Variants in PALM2AKAP2 observed in about 807,000 individuals in gnomAD.
PALM2AKAP2 encodes the protein PALM2-AKAP2 fusion protein.
In PALM2AKAP2, 37 loss-of-function variants were observed where a neutral mutation model predicts 71.5. The ratio of observed to expected loss-of-function variants is 0.52; its 90% CI spans 0.40 to 0.68. The LOEUF (loss-of-function observed/expected upper bound fraction) is 0.68. PALM2AKAP2 is among the 30% of genes least tolerant of loss of function. The probability of loss-of-function intolerance (pLI) is 0.00; values close to 1 mark genes in which losing one functional copy is unlikely to be tolerated. For missense variants in PALM2AKAP2, 1,224 were observed against 1,191.8 expected, an observed-to-expected ratio of 1.03 and a Z score of -0.40; for synonymous variants, 468 against 478.8, an observed-to-expected ratio of 0.98 and a Z score of 0.29.
intron 3 of PALM2AKAP2, among the ~76,000 whole-genome samples, chr9:109,919,747 G>A (rs1305336106): frequency 6.7e-6 from 1 of 149,044 alleles, no homozygotes; most frequent in African/African-American, 2.5e-5. Context: ...GTGTGTGTGT[G>A]TGTGTGTGTG....
chr9:109,664,751 G>C (rs1353747288), intron 1 of PALM2AKAP2, among the ~76,000 whole-genome samples: 1 of 152,124 alleles, frequency 6.6e-6, no homozygotes, highest in African/African-American at 2.4e-5. Flanking sequence ...GCTATGTTGG[G>C]GAAGTTCTCC....
intron 1 of PALM2AKAP2, among the ~76,000 whole-genome samples, chr9:110,088,821 G>A (rs1199682839): frequency 7.3e-6 from 1 of 137,048 alleles, no homozygotes; most frequent in Non-Finnish European, 1.5e-5. Flanking sequence ...CCGGGTTCAA[G>A]AAATTCTCCT....
At chr9:109,856,873 T>C (rs888733573) in intron 1 of PALM2AKAP2, among the ~76,000 whole-genome samples, 5 of 152,244 alleles carry the variant, frequency 3.3e-5, no homozygotes, top group African/African-American at 1.2e-4. Context: ...TGCGTTCCTT[T>C]GTTGTCATCA....
intron 1 of PALM2AKAP2, among the ~76,000 whole-genome samples, chr9:109,793,981 G>A (rs143855339): frequency 4.1e-4 from 62 of 152,234 alleles, no homozygotes; most frequent in African/African-American, 1.4e-3. Context: ...CTGACCATTT[G>A]GAGAAAAACT....
chr9:110,090,463 G>T (rs571459082), intron 1 of PALM2AKAP2: 3 of 456,480 alleles, frequency 6.6e-6, no homozygotes, highest in Non-Finnish European at 8.8e-6. Context: ...GCTGCAGAGG[G>T]AACTTACACC....
chr9:109,739,226 A>G (rs953847306), intron 1 of PALM2AKAP2, among the ~76,000 whole-genome samples: 1 of 152,222 alleles, frequency 6.6e-6, no homozygotes, highest in Non-Finnish European at 1.5e-5. Flanking sequence ...TAGTTCATTG[A>G]CTTAGACAAC....
rs866226551 is a variant in PALM2AKAP2 at position 110,062,341 on chromosome 9, G to C, written c.156+13486G>C. ...TCTCACTTGTAAGTGAGAACATGTG[G>C]TGTTTGGTTTTCTGTTGCTGCATTA... On this transcript the variant is annotated intron_variant, in intron 1 of 3. Coordinates refer to ENST00000374525, the Ensembl canonical transcript of PALM2AKAP2. Among the ~76,000 whole-genome samples, 16 of 152,208 alleles carry C rather than the reference G, an allele frequency of 1.1e-4. 1 individual carries two copies. The highest frequency in any genetic ancestry group is 3.9e-4 in the African/African-American group (16 of 41,526).
At chr9:109,843,683 G>A (rs1407435307) in intron 1 of PALM2AKAP2, among the ~76,000 whole-genome samples, 1 of 152,138 alleles carries the variant, frequency 6.6e-6, no homozygotes, top group Non-Finnish European at 1.5e-5. Flanking sequence ...AAATAAAGTC[G>A]ATAGTGTGTG....
chr9:109,877,929 C>T lies in PALM2AKAP2; in HGVS notation c.127-2622C>T, dbSNP rs539762664. Among the ~76,000 whole-genome samples, 5 of 152,264 alleles carry T rather than the reference C, an allele frequency of 3.3e-5. No homozygotes were observed. In the South Asian group the frequency reaches 6.2e-4, roughly 19 times the overall value. On this transcript the variant is annotated intron_variant, in intron 2 of 9. Transcript: ENST00000302798. The stretch of plus-strand genomic sequence containing the variant: ...CTACTTCAGAATTGCTACCAATGAA[C>T]AATTTATTTTGTGCCTACAACAGAT...
chr9:110,019,712 G>C (rs1010245307), intron 7 of PALM2AKAP2, among the ~76,000 whole-genome samples: 11 of 152,108 alleles, frequency 7.2e-5, no homozygotes, highest in African/African-American at 2.7e-4. Flanking sequence ...ATCAAATACT[G>C]CATGTTCTCC....
At chr9:110,107,730 C>T (rs1014065922) in intron 1 of PALM2AKAP2, among the ~76,000 whole-genome samples, 5 of 152,202 alleles carry the variant, frequency 3.3e-5, no homozygotes, top group African/African-American at 1.2e-4. Flanking sequence ...CCATGCCCAG[C>T]TAATTTTTGT....
chr9:109,892,946 T>C (rs1830119061), intron 3 of PALM2AKAP2, among the ~76,000 whole-genome samples: 1 of 152,082 alleles, frequency 6.6e-6, no homozygotes, highest in African/African-American at 2.4e-5. Flanking sequence ...ATATAAACAA[T>C]CTCAAATTGT....
Position 109,698,518 on chromosome 9 carries a change from A to T in PALM2AKAP2, c.5+57652A>T, listed in dbSNP as rs1828006728. On this transcript the variant is annotated intron_variant, in intron 1 of 6. Transcript: ENST00000374531. The stretch of plus-strand genomic sequence containing the variant: ...GGTCTTGAACCCCTGACCTCAAGTG[A>T]TCTGCCAGCCTCGGTCTCTCAAAGT... Among the ~76,000 whole-genome samples the T allele has an allele frequency of 3.9e-5, 6 of 152,218 alleles. No homozygotes were observed. In the South Asian group the frequency reaches 1.2e-3, roughly 32 times the overall value.
chr9:110,028,808 T>G (rs891425805), intron 7 of PALM2AKAP2, among the ~76,000 whole-genome samples: 1 of 152,102 alleles, frequency 6.6e-6, no homozygotes, highest in African/African-American at 2.4e-5. Flanking sequence ...AAATTCAGAT[T>G]TTACTGGGTG....
Position 110,122,367 on chromosome 9 carries a change from C to T in PALM2AKAP2, c.157-13760C>T, listed in dbSNP as rs536324148. On this transcript the variant is annotated intron_variant, in intron 1 of 3. Coordinates refer to ENST00000374525, the Ensembl canonical transcript of PALM2AKAP2. ...TTTCTTTTATTTGCATTAGCCCAAA[C>T]GCTTCTTGGGTCTGCTCCTTCCTGA... 1.4e-3 allele frequency among the ~76,000 whole-genome samples: 210 copies of T among 152,262 alleles called. 2 individuals carry two copies. Among genetic ancestry groups the T allele is most frequent in the African/African-American group, 4.9e-3 (205 of 41,556 alleles).
chr9:109,964,359 C>T (rs1277260243), intron 6 of PALM2AKAP2, among the ~76,000 whole-genome samples: 1 of 152,192 alleles, frequency 6.6e-6, no homozygotes, highest in Non-Finnish European at 1.5e-5. Flanking sequence ...GCAGATTGTG[C>T]CAAATGGGCT....
chr9:109,975,955 A>G (rs1013890669), intron 6 of PALM2AKAP2, among the ~76,000 whole-genome samples: 1 of 152,250 alleles, frequency 6.6e-6, no homozygotes, highest in Admixed American at 6.5e-5. Context: ...TATTTTAATA[A>G]TGCAGTATTT....
At chr9:109,933,724 T>C (rs200115039) in intron 6 of PALM2AKAP2, among the ~76,000 whole-genome samples, 1 of 152,178 alleles carries the variant, frequency 6.6e-6, no homozygotes, top group Non-Finnish European at 1.5e-5. Context: ...TTCAAAGTAA[T>C]TTTACATATG....
At chr9:110,096,426 A>AATTAATTTATTTATTTATTTATTT (rs372825608) in intron 1 of PALM2AKAP2, among the ~76,000 whole-genome samples, 26 of 149,500 alleles carry the variant, frequency 1.7e-4, no homozygotes, top group Admixed American at 7.3e-4. Context: ...ATTATGCCTG[A>AATTAATTTATTTATTTATTTATTT]ATTTATTTAT....
Sources: gnomAD v4.1 joint callset for allele counts (sites outside exome capture counted in the v4.1 genomes callset) on GRCh38, gnomAD v4.1.1 for gene constraint, MANE v1.5 for transcripts, NCBI Gene and HGNC (gene_info 2026-07-23, HGNC 2026-07-21) for gene names.